The following RADIL variants were observed in gnomAD, a reference collection of about 807,000 sequenced individuals.
RADIL encodes the protein Rap associating with DIL domain.
Under a neutral mutation model 97.6 loss-of-function variants are expected in RADIL, and 99 were observed. The ratio of observed to expected loss-of-function variants is 1.01; its 90% CI spans 0.86 to 1.20. The LOEUF (loss-of-function observed/expected upper bound fraction) is 1.20, where lower values mean the gene tolerates loss of function less well. Ranked by LOEUF, RADIL falls within the 50% of genes most tolerant of loss-of-function variation. RADIL has a pLI of 0.00. For missense variants in RADIL, 1,765 were observed against 1,498.9 expected (o/e 1.18, Z -2.93); for synonymous variants, 803 against 691.8 (o/e 1.16, Z -2.52).
rs202008624 is a variant in RADIL at position 4,834,979 on chromosome 7, C to T, written c.1044G>A (p.Gly348=). ...VLHHGDLLSL[G]LYYLLLFKDP... ...CCTTGAATAGCAGCAGGTAGTAGAGCCCCAGGGAGAGCAGGTCCCCGTGGT... is the reference window on the plus strand; with the variant it reads ...CCTTGAATAGCAGCAGGTAGTAGAGTCCCAGGGAGAGCAGGTCCCCGTGGT... Residue 348 remains glycine, a synonymous_variant, in exon 4 of 15, where the codon GGG becomes GGA. Coordinates refer to ENST00000399583, the MANE Select transcript of RADIL (RefSeq NM_018059.5). This position sits in a 1 kb window ranked among gnomAD's most constrained non-coding sequence, Gnocchi z 6.0. 1.9e-3 allele frequency: 3,127 copies of T among 1,610,546 alleles called. 13 individuals are homozygous for T. Among genetic ancestry groups the T allele is most frequent in the South Asian group, 2.6e-3 (237 of 90,814 alleles).
intron 2 of RADIL, among the ~76,000 whole-genome samples, chr7:4,853,548 G>A (rs988382434): frequency 6.6e-6 from 1 of 152,076 alleles, no homozygotes; most frequent in Non-Finnish European, 1.5e-5. Context: ...TTTGAGACCA[G>A]CCTGACCAAC....
At position 4,854,769 on chromosome 7, in the gene RADIL, A is replaced by G. The variant is rs190330546; in HGVS notation, c.536-18164T>C. 1.3e-5 allele frequency among the ~76,000 whole-genome samples: 2 copies of G among 152,324 alleles called. No homozygotes were observed. The highest frequency in any genetic ancestry group is 3.9e-4 in the East Asian group (2 of 5,180). ...TTTAATTATATTTCACACATATGAA[A>G]GCATTTGTAACTTAGACTAATAACA... On this transcript the variant is annotated intron_variant, in intron 2 of 14. Transcript: ENST00000399583. The surrounding 1 kb of genome is among the most constrained non-coding windows in gnomAD (Gnocchi z 5.1).
intron 10 of RADIL, 161 bp from the exon 11 acceptor site, chr7:4,803,915 C>G (rs534919342): frequency 6.8e-6 from 5 of 732,332 alleles, no homozygotes; most frequent in African/African-American, 5.2e-5. Flanking sequence ...CAGTGACTGG[C>G]CCCACCCTAG....
At chr7:4,830,650 G>C (rs1185387820) in intron 5 of RADIL, among the ~76,000 whole-genome samples, 1 of 152,180 alleles carries the variant, frequency 6.6e-6, no homozygotes, top group African/African-American at 2.4e-5. Context: ...GGCTGAGGCA[G>C]GTGGATCACC....
rs116452493 is a variant in RADIL at position 4,842,333 on chromosome 7, T to C, written c.536-5728A>G. Among the ~76,000 whole-genome samples, 2 of 152,278 alleles carry C rather than the reference T, an allele frequency of 1.3e-5. No individual in the cohort carries two copies. The highest frequency in any genetic ancestry group is 2.9e-5 in the Non-Finnish European group (2 of 68,026). On this transcript the variant is annotated intron_variant, in intron 2 of 14. Coordinates refer to ENST00000399583, the MANE Select transcript of RADIL (RefSeq NM_018059.5). This position sits in a 1 kb window ranked among gnomAD's most constrained non-coding sequence, Gnocchi z 4.5. ...CTGTTAGCGGCCTTCCTCCCCAGCC[T>C]GGGCCAAGCCGAGCTGCTGAGCACA...
intron 2 of RADIL, chr7:4,865,383 C>A: frequency 1.6e-6 from 1 of 609,294 alleles, no homozygotes; most frequent in East Asian, 2.8e-5. Context: ...TTGTTGTTCC[C>A]AAGTTTTATT....
At chr7:4,866,485 C>G (rs1044391143) in intron 2 of RADIL, among the ~76,000 whole-genome samples, 1 of 152,270 alleles carries the variant, frequency 6.6e-6, no homozygotes, top group Non-Finnish European at 1.5e-5. Flanking sequence ...AAGTCTCTGG[C>G]AAATCAATAT....
intron 4 of RADIL, among the ~76,000 whole-genome samples, chr7:4,833,002 T>C (rs1214377623): frequency 6.6e-6 from 1 of 152,134 alleles, no homozygotes; most frequent in Non-Finnish European, 1.5e-5. Context: ...TCAGGCTCGG[T>C]CTCATGTCTA....
rs972140860 is a variant in RADIL at position 4,877,473 on chromosome 7, G to A, written c.535+132C>T. On this transcript the variant is annotated intron_variant, in intron 2 of 14. Coordinates refer to ENST00000399583, the MANE Select transcript of RADIL (RefSeq NM_018059.5). ...GGAAGGCTTCAAACATCCAGGACAC[G>A]GGCTCCGACTGCCTCCTGCAGAGCG... 1.9e-5 allele frequency: 19 copies of A among 977,786 alleles called. No homozygotes were observed. The East Asian group carries it at 2.1e-4, about 11-fold the overall frequency. 60.6% of individuals were successfully genotyped at this position (977,786 alleles called of 1,614,324 possible). A position where few individuals can be genotyped will look rare whatever the true frequency, so the allele number is the denominator to read the frequency against.
chr7:4,839,725 G>A (rs923005055), intron 2 of RADIL, among the ~76,000 whole-genome samples: 1 of 152,084 alleles, frequency 6.6e-6, no homozygotes, highest in Non-Finnish European at 1.5e-5. Context: ...TGTAACTGAT[G>A]ATACTTTATT....
chr7:4,880,102 G>T lies in RADIL; in HGVS notation c.-64-1899C>A, dbSNP rs1409452534. 6.6e-6 allele frequency among the ~76,000 whole-genome samples: 1 copy of T among 152,162 alleles called. No individual in the cohort carries two copies. The highest frequency in any genetic ancestry group is 1.5e-5 in the Non-Finnish European group (1 of 68,030). ...ACACTTCACCACGGCAAAGGCTTTC[G>T]CTGTGCCTGGCTTTCTGAAGAGGTG... On this transcript the variant is annotated intron_variant, in intron 1 of 14. Coordinates refer to ENST00000399583, the MANE Select transcript of RADIL (RefSeq NM_018059.5). This position sits in a 1 kb window ranked among gnomAD's most constrained non-coding sequence, Gnocchi z 4.5.
chr7:4,809,370 G>A (rs1782468976), intron 9 of RADIL: 4 of 985,372 alleles, frequency 4.1e-6, no homozygotes, highest in Middle Eastern at 5.2e-4. Flanking sequence ...TCCCCGCCCG[G>A]CTGAGCGGGG....
chr7:4,864,518 T>C (rs978971496), intron 2 of RADIL, among the ~76,000 whole-genome samples: 1 of 152,240 alleles, frequency 6.6e-6, no homozygotes, highest in African/African-American at 2.4e-5. Flanking sequence ...TTGCCACCTA[T>C]ATTTGGATGC....
rs1285916835 is a variant in RADIL, at chr7:4,835,391, G to A, written c.784-152C>T. 9.5e-6 allele frequency: 10 copies of A among 1,051,448 alleles called. No homozygotes were observed. The East Asian group carries it at 1.6e-4, about 16-fold the overall frequency. The allele number at this position is 1,051,448 out of a possible 1,614,324, so 65.1% of individuals were successfully genotyped here. On this transcript the variant is annotated intron_variant, in intron 3 of 14. Transcript: ENST00000399583. The surrounding 1 kb of genome is among the most constrained non-coding windows in gnomAD (Gnocchi z 5.8). The stretch of plus-strand genomic sequence containing the variant: ...CTGGCCACCCCCACACCAGAACCCC[G>A]ACGGCTCTCAGGAACCCGCCCCTCG...
At chr7:4,812,551 A>G (rs1782575510) in intron 9 of RADIL, among the ~76,000 whole-genome samples, 1 of 151,990 alleles carries the variant, frequency 6.6e-6, no homozygotes, top group Non-Finnish European at 1.5e-5. Flanking sequence ...CCTCCCAAGT[A>G]GCTGAAATTA....
rs530190962 is a variant in RADIL, at chr7:4,879,942, G to T, written c.-64-1739C>A. Among the ~76,000 whole-genome samples, 10 of 152,336 alleles carry T rather than the reference G, an allele frequency of 6.6e-5. No individual in the cohort carries two copies. The South Asian group carries it at 1.0e-3, about 16-fold the overall frequency. On this transcript the variant is annotated intron_variant, in intron 1 of 14. Transcript: ENST00000399583. The surrounding 1 kb of genome is among the most constrained non-coding windows in gnomAD (Gnocchi z 4.1). ...CCAGCCCAGGTCAGCCAGCAGCTGT[G>T]CTTTCTCCGAGGACCTTGAACTCTT...
Position 4,849,283 on chromosome 7 carries a change from G to A in RADIL, c.536-12678C>T, listed in dbSNP as rs961554683. On this transcript the variant is annotated intron_variant, in intron 2 of 14. Coordinates refer to ENST00000399583, the MANE Select transcript of RADIL (RefSeq NM_018059.5). The surrounding 1 kb of genome is among the most constrained non-coding windows in gnomAD (Gnocchi z 5.4). The stretch of plus-strand genomic sequence containing the variant: ...TTTTAATCGGTAATGAGAAACTATT[G>A]CTTTAACTGTGCACATATATATATA... 6.6e-6 allele frequency among the ~76,000 whole-genome samples: 1 copy of A among 152,134 alleles called. No homozygotes were observed. Among genetic ancestry groups the A allele is most frequent in the African/African-American group, 2.4e-5 (1 of 41,404 alleles).
rs2115055874 is a variant in RADIL, at chr7:4,879,417, A to C, written c.-64-1214T>G. ...CTGCAAGGCAGGAAAATACTGGAAA[A>C]CTGCGCACACATCTCCCCATTACTG... On this transcript the variant is annotated intron_variant, in intron 1 of 14. Transcript: ENST00000399583. This position sits in a 1 kb window ranked among gnomAD's most constrained non-coding sequence, Gnocchi z 4.1. Among the ~76,000 whole-genome samples the C allele has an allele frequency of 6.6e-6, 1 of 152,286 alleles. No homozygotes were observed. The highest frequency in any genetic ancestry group is 2.4e-5 in the African/African-American group (1 of 41,542).
chr7:4,841,494 C>T (rs1039702651), intron 2 of RADIL, among the ~76,000 whole-genome samples: 5 of 152,206 alleles, frequency 3.3e-5, no homozygotes, highest in Admixed American at 2.0e-4. Flanking sequence ...CCAGTTTGAT[C>T]TAGTGTTGAT....
Sources: gnomAD v4.1 joint callset for allele counts (sites outside exome capture counted in the v4.1 genomes callset) on GRCh38, gnomAD v4.1.1 for gene constraint, Gnocchi (gnomAD v3.1) non-coding constraint, MANE v1.5 for transcripts, NCBI Gene and HGNC (gene_info 2026-07-23, HGNC 2026-07-21) for gene names.